The following FAM180A variants were observed in gnomAD, a reference collection of about 807,000 sequenced individuals.
The protein encoded by FAM180A is protein FAM180A.
FAM180A carries 14 observed loss-of-function variants against 15.3 expected under a neutral mutation model. That is an observed-to-expected ratio of 0.92 (90% confidence interval 0.61 to 1.43). The LOEUF (loss-of-function observed/expected upper bound fraction) is 1.43. Among genes scored for constraint, FAM180A ranks in the 40% most tolerant of loss-of-function variants. The probability of loss-of-function intolerance (pLI) is 0.00; values close to 1 mark genes in which losing one functional copy is unlikely to be tolerated. For missense variants in FAM180A, 200 were observed against 220.8 expected, an observed-to-expected ratio of 0.91 and a Z score of 0.60; for synonymous variants, 90 against 96.8, an observed-to-expected ratio of 0.93 and a Z score of 0.41.
In FAM180A at chr7:135,734,158, G is replaced by T. The variant is rs760644779; in HGVS notation, c.339C>A (p.Ser113Arg). 1 of 1,614,186 alleles carries T rather than the reference G, an allele frequency of 6.2e-7. No individual in the cohort carries two copies. The highest frequency in any genetic ancestry group is 2.2e-5 in the East Asian group (1 of 44,884). The change falls in exon 3 of 4, where the codon AGC becomes AGA. Residue 113 changes from serine to arginine, a missense_variant. Physicochemically the swap from Ser to Arg is moderately radical, Grantham distance 110 (BLOSUM62 -1). Transcript: ENST00000338588. ...DIRRLSASLS[S>R]HPGILKKEDF... Reference sequence around the variant, plus strand: ...CTTCTTTCTTGAGGATGCCAGGGTGGCTGGAGAGGCTGGCGCTGAGCCGGC... The same window carrying T: ...CTTCTTTCTTGAGGATGCCAGGGTGTCTGGAGAGGCTGGCGCTGAGCCGGC...
chr7:135,748,695 T>G lies in FAM180A; in HGVS notation c.-115A>C. ...TGATGGAGTGCTTCCCTCCCTTCCT[T>G]TTGCAGACGTGCAGAAATGCCTACT... On this transcript the variant is annotated 5_prime_UTR_variant, in exon 1 of 4. Transcript: ENST00000338588. 2 of 822,282 alleles carry G rather than the reference T, an allele frequency of 2.4e-6. No homozygotes were observed. Among genetic ancestry groups the G allele is most frequent in the Non-Finnish European group, 4.2e-6 (2 of 479,416 alleles). 50.9% of individuals were successfully genotyped at this position (822,282 alleles called of 1,614,324 possible).
intron 1 of FAM180A, among the ~76,000 whole-genome samples, chr7:135,747,085 G>A (rs1797041226): frequency 6.6e-6 from 1 of 152,200 alleles, no homozygotes; most frequent in Middle Eastern, 3.2e-3. Context: ...GGGCAACAGA[G>A]TGAGACTCCG....
chr7:135,748,505 C>A lies in FAM180A; in HGVS notation c.76G>T (p.Ala26Ser). 2 of 1,613,134 alleles carry A rather than the reference C, an allele frequency of 1.2e-6. No individual in the cohort carries two copies. The highest frequency in any genetic ancestry group is 1.7e-6 in the Non-Finnish European group (2 of 1,179,104). Residue 26 changes from alanine (A) to serine (S), a missense_variant and splice_region_variant, in exon 1 of 4, where the codon GCT (alanine) becomes TCT (serine). Transcript: ENST00000338588. The stretch of plus-strand genomic sequence containing the variant: ...AACAAATGAATAAAAAGCAACTCAC[C>A]CCTGCTCCACCTGTGGCACATAGAA... ...EASMCHRWSRAVLFPAAHRPK... is the reference protein window; with the variant it reads ...EASMCHRWSRSVLFPAAHRPK...
At chr7:135,736,739 A>G (rs1265962221) in intron 2 of FAM180A, among the ~76,000 whole-genome samples, 1 of 152,232 alleles carries the variant, frequency 6.6e-6, no homozygotes, top group East Asian at 1.9e-4. Flanking sequence ...CTGCACCCAG[A>G]CAATGGCTTG....
Position 135,734,255 on chromosome 7 carries a change from G to A in FAM180A, c.242C>T (p.Ala81Val), listed in dbSNP as rs1225584364. Residue 81 changes from alanine to valine, a missense_variant, in exon 3 of 4, where the codon GCC (alanine) becomes GTC (valine). Ala to Val is a moderately conservative substitution (Grantham distance 64, BLOSUM62 0). Coordinates refer to ENST00000338588, the MANE Select transcript of FAM180A (RefSeq NM_205855.4). The stretch of plus-strand genomic sequence containing the variant: ...GAAGTCTGAGGCCTTCCGCAAGGAG[G>A]CCAGCTCCTCGTCCTTGATGGAGAT... Reference protein sequence around the residue: ...LQISIKDEELASLRKASDFRT... With the variant: ...LQISIKDEELVSLRKASDFRT... The A allele has an allele frequency of 1.2e-6, 2 of 1,614,128 alleles. No homozygotes were observed. Among genetic ancestry groups the A allele is most frequent in the Non-Finnish European group, 1.7e-6 (2 of 1,179,962 alleles).
Position 135,733,989 on chromosome 7 carries a change from C to T in FAM180A, c.508G>A (p.Gly170Arg), listed in dbSNP as rs1233147123. 2 of 1,603,450 alleles carry T rather than the reference C, an allele frequency of 1.2e-6. No homozygotes were observed. Among genetic ancestry groups the T allele is most frequent in the East Asian group, 4.5e-5 (2 of 44,760 alleles). Residue 170 changes from glycine to arginine, a missense_variant, in exon 3 of 4, where the codon GGA becomes AGA. Physicochemically the swap from Gly to Arg is moderately radical, Grantham distance 125. Transcript: ENST00000338588. ...RHDLMRSSQP[G>R]VPP ...GGGCCAGTCTCTCAGGGAGGTACTC[C>T]CGGCTGTGAGGAGCGCATCAAGTCG...
chr7:135,733,790 T>A lies in FAM180A; in HGVS notation c.*185A>T, dbSNP rs1363170340. 1 of 1,385,602 alleles carries A rather than the reference T, an allele frequency of 7.2e-7. No homozygotes were observed. The highest frequency in any genetic ancestry group is 9.3e-7 in the Non-Finnish European group (1 of 1,075,288). The allele number at this position is 1,385,602 out of a possible 1,614,324, so 85.8% of individuals were successfully genotyped here. ...TTCCAGCCCAGGTCACATGATGGCA[T>A]GAATCAGATGTGTCTTCCAGGAAAC... is the stretch of plus-strand genomic sequence containing the variant. On this transcript the variant is annotated 3_prime_UTR_variant, in exon 3 of 4. Coordinates refer to ENST00000338588, the MANE Select transcript of FAM180A (RefSeq NM_205855.4).
chr7:135,737,064 G>A, intron 2 of FAM180A, 35 bp downstream of exon 2: 1 of 1,520,808 alleles, frequency 6.6e-7, no homozygotes, highest in Non-Finnish European at 9.1e-7. Flanking sequence ...GAGTCTTTTG[G>A]GTGACTTGGA....
chr7:135,747,148 G>T (rs1278710776), intron 1 of FAM180A, among the ~76,000 whole-genome samples: 1 of 152,010 alleles, frequency 6.6e-6, no homozygotes, highest in Non-Finnish European at 1.5e-5. Flanking sequence ...TAACTAAAAG[G>T]GTATCACTGG....
intron 3 of FAM180A, among the ~76,000 whole-genome samples, chr7:135,732,504 C>T (rs1182476389): frequency 6.6e-6 from 1 of 152,182 alleles, no homozygotes; most frequent in Non-Finnish European, 1.5e-5. Context: ...ACCAGCCTGG[C>T]CAACATGGCG....
At chr7:135,737,239 C>T (rs753811740) in intron 1 of FAM180A, 40 bp from the exon 2 acceptor site, 34 of 1,437,478 alleles carry the variant, frequency 2.4e-5, no homozygotes, top group Middle Eastern at 1.8e-4. Context: ...CTGCTGTGTG[C>T]GCCCAGACCT....
intron 1 of FAM180A, among the ~76,000 whole-genome samples, chr7:135,743,069 A>G (rs564102481): frequency 1.3e-5 from 2 of 152,230 alleles, no homozygotes; most frequent in South Asian, 2.1e-4. Flanking sequence ...ATGAATGCCT[A>G]TGCATTTGAT....
intron 1 of FAM180A, among the ~76,000 whole-genome samples, chr7:135,744,522 G>C (rs935401920): frequency 6.6e-6 from 1 of 152,112 alleles, no homozygotes; most frequent in African/African-American, 2.4e-5. Flanking sequence ...TATTCTGAGC[G>C]AGCCAGGGTC....
rs1015341217 is a variant in FAM180A, at chr7:135,737,106, A to G, written c.170T>C (p.Leu57Pro). ...LQTSLEEVEL[L>P]YEFLLAELEI... Reference sequence around the variant, plus strand: ...ATGTTCCCCTCTGCCTACCTCGTAGAGCAGCTCCACCTCCTCCAGGGAGGT... The same window carrying G: ...ATGTTCCCCTCTGCCTACCTCGTAGGGCAGCTCCACCTCCTCCAGGGAGGT... Residue 57 changes from leucine to proline, a missense_variant, in exon 2 of 4, where the codon CTC (leucine) becomes CCC (proline). Coordinates refer to ENST00000338588, the MANE Select transcript of FAM180A (RefSeq NM_205855.4). 6.2e-7 allele frequency: 1 copy of G among 1,611,808 alleles called. No individual in the cohort carries two copies. Among genetic ancestry groups the G allele is most frequent in the African/African-American group, 1.3e-5 (1 of 74,870 alleles).
At chr7:135,732,689 TCA>T (rs143588470) in intron 3 of FAM180A, among the ~76,000 whole-genome samples, 8,986 of 141,464 alleles carry the variant, frequency 0.064, 303 homozygotes, top group Non-Finnish European at 0.085. Flanking sequence ...CGAGACTCCA[TCA>T]CACACACACA....
chr7:135,733,906 G>A lies in FAM180A; in HGVS notation c.*69C>T. 1 of 1,485,974 alleles carries A rather than the reference G, an allele frequency of 6.7e-7. No homozygotes were observed. Among genetic ancestry groups the A allele is most frequent in the Non-Finnish European group, 8.9e-7 (1 of 1,117,938 alleles). The allele number at this position is 1,485,974 out of a possible 1,614,324, so 92.0% of individuals were successfully genotyped here. ...TTTGTTGCTGGTCTCTGTAAATGGA[G>A]TAGAGAATGAAGACTTTCTGGATTA... On this transcript the variant is annotated 3_prime_UTR_variant, in exon 3 of 4. Transcript: ENST00000338588.
At chr7:135,737,464 G>A (rs780335720) in intron 1 of FAM180A, among the ~76,000 whole-genome samples, 14 of 151,846 alleles carry the variant, frequency 9.2e-5, no homozygotes, top group African/African-American at 1.2e-4. Flanking sequence ...GCGGGTGCCT[G>A]TAATTGCAGC....
rs1796758698 is a variant in FAM180A, at chr7:135,730,018, A to G, written c.*593T>C. On this transcript the variant is annotated 3_prime_UTR_variant, in exon 4 of 4. Transcript: ENST00000338588. The stretch of plus-strand genomic sequence containing the variant: ...TTTACCTGATGTGTTTTTTACCACA[A>G]TAAAAAAAATAAGATTGAAATGGAT... 1.0e-6 allele frequency: 1 copy of G among 982,624 alleles called. No individual in the cohort carries two copies. Among genetic ancestry groups the G allele is most frequent in the Non-Finnish European group, 1.2e-6 (1 of 827,342 alleles). The allele number at this position is 982,624 out of a possible 1,614,324, so 60.9% of individuals were successfully genotyped here.
At chr7:135,742,398 T>G (rs1796963637) in intron 1 of FAM180A, among the ~76,000 whole-genome samples, 1 of 152,218 alleles carries the variant, frequency 6.6e-6, no homozygotes, top group Non-Finnish European at 1.5e-5. Context: ...TGTGCAAAGC[T>G]GGAAACTAGA....
Sources: allele counts gnomAD v4.1 joint callset (sites outside exome capture counted in the v4.1 genomes callset), GRCh38; gene constraint gnomAD v4.1.1; transcripts MANE v1.5; gene names NCBI Gene and HGNC (gene_info 2026-07-23, HGNC 2026-07-21).